The following EHMT1 variants were observed in gnomAD, a reference collection of about 807,000 sequenced individuals.
EHMT1 encodes the protein histone-lysine N-methyltransferase EHMT1.
Under a neutral mutation model 147.2 loss-of-function variants are expected in EHMT1, and 15 were observed. That is an observed-to-expected ratio of 0.10 (90% CI 0.07 to 0.16). The LOEUF (loss-of-function observed/expected upper bound fraction) is 0.16. Among genes scored for constraint, EHMT1 ranks in the 10% least tolerant of loss-of-function variants. The probability of loss-of-function intolerance (pLI) is 1.00; values close to 1 mark genes in which losing one functional copy is unlikely to be tolerated. For synonymous variants in EHMT1, 795 were observed against 709.6 expected, an observed-to-expected ratio of 1.12 and a Z score of -1.91; for missense variants, 1,587 against 1,772.4, an observed-to-expected ratio of 0.90 and a Z score of 1.88.
At chr9:137,771,785 GGGAA>G (rs1025602388) in intron 10 of EHMT1, among the ~76,000 whole-genome samples, 1 of 152,220 alleles carries the variant, frequency 6.6e-6, no homozygotes, top group African/African-American at 2.4e-5. Context: ...GGGTGCCACT[GGGAA>G]GGAAGGGAGG....
rs1031143660 is a variant in EHMT1, at chr9:137,834,242, C to T, written c.3541-107C>T. The T allele has an allele frequency of 6.9e-6, 10 of 1,450,730 alleles. No individual in the cohort carries two copies. The African/African-American group carries it at 1.1e-4, about 16-fold the overall frequency. 89.9% of individuals were successfully genotyped at this position (1,450,730 alleles called of 1,614,324 possible). On this transcript the variant is annotated intron_variant, in intron 25 of 26. Transcript: ENST00000460843. Reference sequence around the variant, plus strand: ...AGAAGGCCCCTCCTGCATGGCGGGCCTGCGCCCAACTGCAGGCTCCGGGAC... The same window carrying T: ...AGAAGGCCCCTCCTGCATGGCGGGCTTGCGCCCAACTGCAGGCTCCGGGAC...
chr9:137,721,189 T>A, intron 3 of EHMT1, among the ~76,000 whole-genome samples: 1 of 140,134 alleles, frequency 7.1e-6, no homozygotes, highest in East Asian at 2.1e-4. Flanking sequence ...CCTCCCAGAC[T>A]TCTCACACTC....
chr9:137,702,616 G>A (rs146053735), intron 1 of EHMT1, among the ~76,000 whole-genome samples: 2 of 152,294 alleles, frequency 1.3e-5, no homozygotes, highest in African/African-American at 2.4e-5. Flanking sequence ...TTGAGTGCCT[G>A]CTGCTTTTCT....
intron 6 of EHMT1, among the ~76,000 whole-genome samples, chr9:137,744,755 G>A (rs1048868464): frequency 3.9e-5 from 6 of 152,246 alleles, no homozygotes; most frequent in Admixed American, 3.9e-4. Flanking sequence ...CACCACACAT[G>A]GGCCAGGCGT....
intron 3 of EHMT1, among the ~76,000 whole-genome samples, chr9:137,721,017 C>G (rs540158110): frequency 1.3e-5 from 1 of 77,528 alleles, no homozygotes; most frequent in Non-Finnish European, 3.5e-5. Flanking sequence ...TCGCCGGCGT[C>G]CTCGCCAGCG....
intron 1 of EHMT1, among the ~76,000 whole-genome samples, chr9:137,645,696 G>A (rs1265800635): frequency 6.6e-6 from 1 of 152,134 alleles, no homozygotes; most frequent in Non-Finnish European, 1.5e-5. Context: ...TCTTAGAGAA[G>A]GGTTGGCTTT....
chr9:137,765,035 G>C (rs1950124369), intron 10 of EHMT1, among the ~76,000 whole-genome samples: 1 of 152,240 alleles, frequency 6.6e-6, no homozygotes, highest in South Asian at 2.1e-4. Context: ...TCGTGCGCTG[G>C]GAGCGGTGCT....
In EHMT1 at chr9:137,717,423, C is replaced by T. The variant is rs1419345996; in HGVS notation, c.642+241C>T. The T allele has an allele frequency of 2.8e-5, 17 of 611,470 alleles. 1 individual carries two copies. The highest frequency in any genetic ancestry group is 5.8e-5 in the East Asian group (2 of 34,396). The allele number at this position is 611,470 out of a possible 1,614,324, so 37.9% of individuals were successfully genotyped here. A position where few individuals can be genotyped will look rare whatever the true frequency, so the allele number is the denominator to read the frequency against. ...TTTGAGACCAGCCTGGGCAGCGTGG[C>T]GAAACTCAAATGCAAAATTTTGTAA... On this transcript the variant is annotated intron_variant, in intron 3 of 26. Transcript: ENST00000460843.
chr9:137,675,802 TAGAC>T, intron 1 of EHMT1, among the ~76,000 whole-genome samples: 1 of 104,734 alleles, frequency 9.5e-6, no homozygotes, highest in East Asian at 2.7e-4. Flanking sequence ...TTTTTTTTTT[TAGAC>T]GGAGTCTCGC....
In EHMT1 at chr9:137,818,231, G is replaced by C. The variant is rs1038004032; in HGVS notation, c.3540+93G>C. 3 of 1,399,680 alleles carry C rather than the reference G, an allele frequency of 2.1e-6. No homozygotes were observed. In the African/African-American group the frequency reaches 4.2e-5, roughly 20 times the overall value. 86.7% of individuals were successfully genotyped at this position (1,399,680 alleles called of 1,614,324 possible). On this transcript the variant is annotated intron_variant, in intron 25 of 26. Transcript: ENST00000460843. The stretch of plus-strand genomic sequence containing the variant: ...CAGTAGGGCTGGGATTCAGAAGAGA[G>C]CTCTTACTGTTGACAAGAGTGGGCT...
At chr9:137,745,641 C>T (rs1041217461) in intron 6 of EHMT1, 1 of 398,160 alleles carries the variant, frequency 2.5e-6, no homozygotes, top group Non-Finnish European at 4.4e-6. Flanking sequence ...CCAGCAGCTG[C>T]CGCGGTCTCT....
At chr9:137,793,346 C>A (rs1378438440) in intron 16 of EHMT1, among the ~76,000 whole-genome samples, 1 of 152,236 alleles carries the variant, frequency 6.6e-6, no homozygotes, top group East Asian at 1.9e-4. Flanking sequence ...GAAAAGGTGT[C>A]CAGCATCACC....
Position 137,754,267 on chromosome 9 carries a change from A to G in EHMT1, c.1345A>G (p.Arg449Gly). The change falls in exon 8 of 27, where the codon AGA becomes GGA. Residue 449 changes from arginine to glycine, a missense_variant. By Grantham distance (125) the Arg-to-Gly change is moderately radical. Coordinates refer to ENST00000460843, the MANE Select transcript of EHMT1 (RefSeq NM_024757.5). ...KPARKRRRRS[R>G]KKPSGALGSE... Reference sequence around the variant, plus strand: ...AGCCAGGAAAAGGAGGCGGAGAAGTAGAAAGAAGCCCAGCGGTGCCCTCGG... The same window carrying G: ...AGCCAGGAAAAGGAGGCGGAGAAGTGGAAAGAAGCCCAGCGGTGCCCTCGG... 1 of 1,614,152 alleles carries G rather than the reference A, an allele frequency of 6.2e-7. No individual in the cohort carries two copies. Among genetic ancestry groups the G allele is most frequent in the Non-Finnish European group, 8.5e-7 (1 of 1,180,008 alleles).
chr9:137,804,019 A>G (rs1953724468), intron 18 of EHMT1, among the ~76,000 whole-genome samples: 1 of 152,142 alleles, frequency 6.6e-6, no homozygotes, highest in East Asian at 1.9e-4. Context: ...CGGGAAACTT[A>G]ACAATCATGG....
intron 1 of EHMT1, 66 bp from the exon 2 acceptor site, chr9:137,710,901 T>C: frequency 3.3e-6 from 5 of 1,531,302 alleles, no homozygotes; most frequent in East Asian, 2.4e-5. Flanking sequence ...TTTTTCCAAA[T>C]GATGTCCATT....
At chr9:137,663,778 C>G (rs1939334568) in intron 1 of EHMT1, among the ~76,000 whole-genome samples, 2 of 152,156 alleles carry the variant, frequency 1.3e-5, no homozygotes, top group Admixed American at 1.3e-4. Context: ...ATAACAATGT[C>G]TATAACTAGC....
chr9:137,682,349 C>G (rs557647379), intron 1 of EHMT1, among the ~76,000 whole-genome samples: 1 of 152,124 alleles, frequency 6.6e-6, no homozygotes, highest in Non-Finnish European at 1.5e-5. Flanking sequence ...TTTTTCCCCC[C>G]AGTACCAACC....
At position 137,782,199 on chromosome 9, in the gene EHMT1, C is replaced by A; in HGVS notation, c.2276-92C>A. On this transcript the variant is annotated intron_variant, in intron 14 of 26. Transcript: ENST00000460843. The surrounding 1 kb of genome is among the most constrained non-coding windows in gnomAD (Gnocchi z 5.7). ...GGTGGCTGTTTATGTGGAGGATGGT[C>A]ATTTGTGAGTGCTTGCCAGCCATCG... 8.2e-7 allele frequency: 1 copy of A among 1,226,050 alleles called. No homozygotes were observed. The highest frequency in any genetic ancestry group is 1.2e-6 in the Non-Finnish European group (1 of 855,438). The allele number at this position is 1,226,050 out of a possible 1,614,324, so 75.9% of individuals were successfully genotyped here. A position where few individuals can be genotyped will look rare whatever the true frequency, so the allele number is the denominator to read the frequency against.
chr9:137,743,593 C>T lies in EHMT1; in HGVS notation c.981+65C>T, dbSNP rs116060838. The T allele has an allele frequency of 8.8e-3, 14,169 of 1,609,554 alleles. 815 individuals carry two copies. In the African/African-American group the frequency reaches 0.14, roughly 16 times the overall value. ...AAATGCGTTTCTGTGTTCAGGGCCT[C>T]GTTATCAGTAATTTGGGTGACCTCA... is the stretch of plus-strand genomic sequence containing the variant. On this transcript the variant is annotated intron_variant, in intron 5 of 26. Transcript: ENST00000460843.
Sources: gnomAD v4.1 joint callset for allele counts (sites outside exome capture counted in the v4.1 genomes callset) on GRCh38, gnomAD v4.1.1 for gene constraint, Gnocchi (gnomAD v3.1) non-coding constraint, MANE v1.5 for transcripts, NCBI Gene and HGNC (gene_info 2026-07-23, HGNC 2026-07-21) for gene names.